CHST8: variants seen among roughly 807,000 people sequenced by gnomAD.
CHST8 encodes carbohydrate sulfotransferase 8, also known as GALNAC-4-ST1.
CHST8 carries 10 observed loss-of-function variants against 15.0 expected under a neutral mutation model. The ratio of observed to expected loss-of-function variants is 0.67; its 90% CI spans 0.41 to 1.13. CHST8 has a LOEUF of 1.13. CHST8 is among the 50% of genes most tolerant of loss of function. The pLI is 0.00. For synonymous variants in CHST8, 259 were observed against 256.6 expected (o/e 1.01, Z -0.09); for missense variants, 634 against 608.2 (o/e 1.04, Z -0.45).
chr19:33,689,372 C>T lies in CHST8; in HGVS notation c.111C>T (p.Leu37=), dbSNP rs150945646. The part of the protein sequence containing the change: ...LFISLQDPTE[L]APQQVPGIKF... ...TCAGCCTGCAGGACCCTACGGAGCTCGCCCCCCAGCAGGTGCCAGGTGAGT... is the reference window on the plus strand; with the variant it reads ...TCAGCCTGCAGGACCCTACGGAGCTTGCCCCCCAGCAGGTGCCAGGTGAGT... Residue 37 remains leucine (L), a synonymous_variant, in exon 3 of 5, where the codon CTC becomes CTT. Transcript: ENST00000650847. 4.1e-4 allele frequency: 654 copies of T among 1,599,318 alleles called. 1 individual carries two copies. Among genetic ancestry groups the T allele is most frequent in the Non-Finnish European group, 5.1e-4 (599 of 1,175,196 alleles).
chr19:33,706,895 G>A (rs1019835234), intron 3 of CHST8, among the ~76,000 whole-genome samples: 3 of 152,190 alleles, frequency 2.0e-5, no homozygotes, highest in African/African-American at 7.2e-5. Context: ...CATGATTGTG[G>A]GAGGACCACA....
chr19:33,641,655 G>A (rs1157414844), intron 1 of CHST8, among the ~76,000 whole-genome samples: 3 of 151,980 alleles, frequency 2.0e-5, no homozygotes, highest in East Asian at 1.9e-4. Flanking sequence ...GAAATGAGGG[G>A]GTTCTGGACA....
chr19:33,727,657 G>GC (rs946862325), intron 3 of CHST8, among the ~76,000 whole-genome samples: 1 of 152,170 alleles, frequency 6.6e-6, no homozygotes, highest in East Asian at 1.9e-4. Flanking sequence ...TTTCCTCCAG[G>GC]CCCCCCGGAA....
At position 33,716,791 on chromosome 19, in the gene CHST8, T is replaced by C. The variant is rs150239593; in HGVS notation, c.130+27400T>C. Among the ~76,000 whole-genome samples, 603 of 152,288 alleles carry C rather than the reference T, an allele frequency of 4.0e-3. 14 individuals carry two copies. The highest frequency in any genetic ancestry group is 1.0e-3 in the Non-Finnish European group (68 of 68,020). ...CTAGGGTTGCTGTAGCAAAGTATTATGGACTAAGTGGCTTAAACAACAGAA... is the reference window on the plus strand; with the variant it reads ...CTAGGGTTGCTGTAGCAAAGTATTACGGACTAAGTGGCTTAAACAACAGAA... On this transcript the variant is annotated intron_variant, in intron 3 of 4. Transcript: ENST00000650847.
chr19:33,754,469 G>T (rs190705553), intron 3 of CHST8, among the ~76,000 whole-genome samples: 1 of 152,102 alleles, frequency 6.6e-6, no homozygotes. Context: ...GGACCTTGCC[G>T]TGCATCTTAA....
intron 2 of CHST8, among the ~76,000 whole-genome samples, chr19:33,684,042 G>C (rs932588203): frequency 1.4e-4 from 22 of 152,206 alleles, no homozygotes; most frequent in African/African-American, 3.9e-4. Flanking sequence ...AGTTGACGTG[G>C]CCTGTCAGTC....
At chr19:33,722,736 C>T (rs1410675892) in intron 3 of CHST8, among the ~76,000 whole-genome samples, 3 of 152,136 alleles carry the variant, frequency 2.0e-5, no homozygotes, top group East Asian at 1.9e-4. Flanking sequence ...ACTCCCATCA[C>T]GGGCCTTGGG....
In CHST8 at chr19:33,772,522, T is replaced by C. The variant is rs774287857; in HGVS notation, c.734T>C (p.Leu245Ser). The C allele has an allele frequency of 1.9e-6, 3 of 1,613,872 alleles. No homozygotes were observed. The highest frequency in any genetic ancestry group is 2.7e-5 in the African/African-American group (2 of 74,940). ...RLDTFDRQGI[L>S]HRLSTYTKML... The stretch of plus-strand genomic sequence containing the variant: ...GACACCTTCGACCGCCAGGGTATCT[T>C]GCACCGTCTCAGCACCTACACCAAG... Residue 245 changes from leucine to serine, a missense_variant, in exon 5 of 5, where the codon TTG becomes TCG. Coordinates refer to ENST00000650847, the MANE Select transcript of CHST8 (RefSeq NM_001127895.2).
intron 3 of CHST8, among the ~76,000 whole-genome samples, chr19:33,698,768 C>T (rs1373195637): frequency 6.6e-6 from 1 of 152,070 alleles, no homozygotes; most frequent in East Asian, 1.9e-4. Flanking sequence ...CCCTGTAGCT[C>T]CTCCACCGAG....
rs938840689 is a variant in CHST8 at position 33,757,387 on chromosome 19, G to A, written c.131-14026G>A. ...AGAGTGAGACGCGGTCTCAAAAAAA[G>A]AAGAAAGAAAGAAAGAAAGAAAGAA... On this transcript the variant is annotated intron_variant, in intron 3 of 4. Transcript: ENST00000650847. Among the ~76,000 whole-genome samples, 4 of 51,638 alleles carry A rather than the reference G, an allele frequency of 7.7e-5. 1 individual carries two copies. In the East Asian group the frequency reaches 3.1e-3, roughly 40 times the overall value. The allele number at this position is 51,638 out of a possible 152,430, so 33.9% of individuals were successfully genotyped here.
At chr19:33,766,779 G>A (rs1974855574) in intron 3 of CHST8, among the ~76,000 whole-genome samples, 1 of 152,234 alleles carries the variant, frequency 6.6e-6, no homozygotes. Context: ...AGCCCTGGAG[G>A]CTCCCTGGCC....
At chr19:33,637,979 A>G (rs1330175152) in intron 1 of CHST8, among the ~76,000 whole-genome samples, 1 of 151,910 alleles carries the variant, frequency 6.6e-6, no homozygotes, top group East Asian at 2.0e-4. Flanking sequence ...CTAAAAGGAA[A>G]TAAAGGCTGC....
intron 3 of CHST8, among the ~76,000 whole-genome samples, chr19:33,693,667 A>G (rs1973142596): frequency 6.6e-6 from 1 of 152,164 alleles, no homozygotes; most frequent in Non-Finnish European, 1.5e-5. Context: ...GGCCTGTCTG[A>G]TAAGGATTCA....
At chr19:33,744,543 A>G (rs1433107246) in intron 3 of CHST8, 3 of 151,756 alleles carry the variant, frequency 2.0e-5, no homozygotes, top group Non-Finnish European at 4.4e-5. Context: ...CAGAAGCTGG[A>G]TACTCTTCCT....
At chr19:33,706,845 G>T (rs890053976) in intron 3 of CHST8, among the ~76,000 whole-genome samples, 2 of 152,228 alleles carry the variant, frequency 1.3e-5, no homozygotes, top group African/African-American at 4.8e-5. Flanking sequence ...CAAAATGTGT[G>T]CAGGCCTCGT....
chr19:33,722,589 C>T (rs1202140492), intron 3 of CHST8, among the ~76,000 whole-genome samples: 1 of 152,184 alleles, frequency 6.6e-6, no homozygotes, highest in Non-Finnish European at 1.5e-5. Context: ...GTCTTTCTTA[C>T]CTCTTTGTTC....
chr19:33,636,586 C>T (rs938271235), intron 1 of CHST8, among the ~76,000 whole-genome samples: 7 of 152,214 alleles, frequency 4.6e-5, no homozygotes, highest in African/African-American at 9.6e-5. Context: ...CAAGTACATA[C>T]CGTAAAGTGA....
Position 33,674,959 on chromosome 19 carries a change from C to T in CHST8, c.-87+7116C>T, listed in dbSNP as rs532667501. ...AGTGGGAGTTTCTGAAATGAGTATA[C>T]GTGTGTGCACACATGTCTACAGCAT... On this transcript the variant is annotated intron_variant, in intron 2 of 4. Coordinates refer to ENST00000650847, the MANE Select transcript of CHST8 (RefSeq NM_001127895.2). 3.3e-5 allele frequency among the ~76,000 whole-genome samples: 5 copies of T among 152,344 alleles called. No homozygotes were observed. In the East Asian group the frequency reaches 5.8e-4, roughly 18 times the overall value.
At chr19:33,681,139 T>C (rs1268915663) in intron 2 of CHST8, among the ~76,000 whole-genome samples, 1 of 152,188 alleles carries the variant, frequency 6.6e-6, no homozygotes, top group Non-Finnish European at 1.5e-5. Context: ...AAGGACCCTG[T>C]TAGATTTCTG....
Sources: gnomAD v4.1 joint callset for allele counts (sites outside exome capture counted in the v4.1 genomes callset) on GRCh38, gnomAD v4.1.1 for gene constraint, MANE v1.5 for transcripts, NCBI Gene and HGNC (gene_info 2026-07-23, HGNC 2026-07-21) for gene names.